Variants in WASF3 observed in about 807,000 individuals in gnomAD.
WASF3 encodes the protein WASP family member 3, also known as actin-binding protein WASF3.
In WASF3, 11 loss-of-function variants were observed where a neutral mutation model predicts 46.6. That is an observed-to-expected ratio of 0.24 (90% CI 0.15 to 0.39). WASF3 has a LOEUF of 0.39. Among genes scored for constraint, WASF3 ranks in the 10% least tolerant of loss-of-function variants. The pLI is 1.00. For missense variants in WASF3, 576 were observed against 669.8 expected (o/e 0.86, Z 1.55); for synonymous variants, 242 against 259.7 (o/e 0.93, Z 0.65).
intron 7 of WASF3, among the ~76,000 whole-genome samples, chr13:26,680,850 A>G (rs948397373): frequency 3.3e-5 from 5 of 152,188 alleles, no homozygotes; most frequent in Non-Finnish European, 4.4e-5. Context: ...GAATCCATGT[A>G]ACACTGGGGC....
intron 1 of WASF3, chr13:26,576,887 TG>T: frequency 1.4e-6 from 1 of 735,918 alleles, no homozygotes; most frequent in Non-Finnish European, 2.3e-6. Flanking sequence ...AGCAGCACCA[TG>T]GCTGTTGGCA....
intron 6 of WASF3, among the ~76,000 whole-genome samples, chr13:26,673,728 TAAAAGCC>T (rs1410966521): frequency 2.6e-5 from 4 of 152,336 alleles, no homozygotes; most frequent in African/African-American, 9.6e-5. Context: ...TTTAATGCTT[TAAAAGCC>T]TTAAAAACTT....
chr13:26,566,658 C>T (rs1334661358), intron 1 of WASF3, among the ~76,000 whole-genome samples: 1 of 152,126 alleles, frequency 6.6e-6, no homozygotes, highest in East Asian at 1.9e-4. Context: ...TGGGAACCTG[C>T]TTGGTTCAGG....
intron 8 of WASF3, among the ~76,000 whole-genome samples, chr13:26,681,783 GC>G (rs970410193): frequency 2.0e-5 from 3 of 151,926 alleles, no homozygotes; most frequent in African/African-American, 7.3e-5. Context: ...ACATCATTCT[GC>G]CCCAGGCCCT....
In WASF3 at chr13:26,613,567, C is replaced by T. The variant is rs539428927; in HGVS notation, c.-11+509C>T. ...GGTGGATCATGAGGTCAGGAGATCG[C>T]GACCATCCTGGCTAACACAGTGAAA... On this transcript the variant is annotated intron_variant, in intron 2 of 9. Coordinates refer to ENST00000335327, the MANE Select transcript of WASF3 (RefSeq NM_006646.6). 1.3e-4 allele frequency among the ~76,000 whole-genome samples: 20 copies of T among 152,134 alleles called. No individual in the cohort carries two copies. The East Asian group carries it at 3.3e-3, about 25-fold the overall frequency.
At chr13:26,685,574 C>A in intron 9 of WASF3, 114 bp from the exon 10 acceptor site, 1 of 1,299,976 alleles carries the variant, frequency 7.7e-7, no homozygotes. Context: ...ATTTCTAAAA[C>A]TTTCTGTCCT....
chr13:26,625,771 A>G (rs1881446233), intron 2 of WASF3, among the ~76,000 whole-genome samples: 1 of 152,168 alleles, frequency 6.6e-6, no homozygotes, highest in Non-Finnish European at 1.5e-5. Context: ...AAAATGAACC[A>G]TTACATTATT....
chr13:26,635,814 A>G (rs575294711), intron 2 of WASF3, among the ~76,000 whole-genome samples: 7 of 152,366 alleles, frequency 4.6e-5, no homozygotes, highest in African/African-American at 1.7e-4. Flanking sequence ...AGGTATCACC[A>G]GCGGAAGCTG....
chr13:26,625,121 A>G (rs938338405), intron 2 of WASF3, among the ~76,000 whole-genome samples: 1 of 152,194 alleles, frequency 6.6e-6, no homozygotes, highest in Non-Finnish European at 1.5e-5. Context: ...ATTAATTGAT[A>G]ATTGTCCAGA....
At chr13:26,676,804 A>T in intron 7 of WASF3, 80 bp downstream of exon 7, 1 of 1,400,938 alleles carries the variant, frequency 7.1e-7, no homozygotes, top group Non-Finnish European at 9.6e-7. Flanking sequence ...TTTGAAATGC[A>T]TCAATAGCTT....
chr13:26,577,782 T>C lies in WASF3; in HGVS notation c.-109+19963T>C, dbSNP rs1446700283. 3 of 626,748 alleles carry C rather than the reference T, an allele frequency of 4.8e-6. No individual in the cohort carries two copies. The African/African-American group carries it at 5.5e-5, about 12-fold the overall frequency. The allele number at this position is 626,748 out of a possible 1,614,324, so 38.8% of individuals were successfully genotyped here. A position where few individuals can be genotyped will look rare whatever the true frequency, so the allele number is the denominator to read the frequency against. On this transcript the variant is annotated intron_variant, in intron 1 of 9. Coordinates refer to ENST00000335327, the MANE Select transcript of WASF3 (RefSeq NM_006646.6). Reference sequence around the variant, plus strand: ...GTACAATCTGCAGACCTTATTCAGATTTCACTAGTTTATACATGCACTCAG... The same window carrying C: ...GTACAATCTGCAGACCTTATTCAGACTTCACTAGTTTATACATGCACTCAG...
At chr13:26,559,918 A>G (rs548655168) in intron 1 of WASF3, among the ~76,000 whole-genome samples, 1 of 144,426 alleles carries the variant, frequency 6.9e-6, no homozygotes, top group South Asian at 2.2e-4. Context: ...CCTGGGTTCA[A>G]GCGATTCTCC....
chr13:26,570,357 A>G (rs1220645910), intron 1 of WASF3, among the ~76,000 whole-genome samples: 2 of 152,190 alleles, frequency 1.3e-5, no homozygotes, highest in Non-Finnish European at 2.9e-5. Context: ...TCTTTTTAAC[A>G]TAATCTAATA....
At chr13:26,669,581 T>A (rs995268421) in intron 5 of WASF3, among the ~76,000 whole-genome samples, 4 of 152,028 alleles carry the variant, frequency 2.6e-5, no homozygotes, top group Admixed American at 2.6e-4. Context: ...TGGCGCAGTC[T>A]CAGCTCATTG....
chr13:26,650,906 T>G (rs1882295336), intron 3 of WASF3, among the ~76,000 whole-genome samples: 1 of 152,136 alleles, frequency 6.6e-6, no homozygotes, highest in African/African-American at 2.4e-5. Flanking sequence ...TCAAATCGTC[T>G]GACACATACG....
At chr13:26,592,968 A>G (rs1288915343) in intron 1 of WASF3, among the ~76,000 whole-genome samples, 3 of 152,168 alleles carry the variant, frequency 2.0e-5, no homozygotes, top group South Asian at 2.1e-4. Flanking sequence ...CAAATGTTTA[A>G]GCAGTCTAAT....
intron 1 of WASF3, among the ~76,000 whole-genome samples, chr13:26,583,075 A>G (rs915541013): frequency 2.6e-5 from 4 of 152,238 alleles, no homozygotes; most frequent in Admixed American, 6.5e-5. Flanking sequence ...TAGTGGAAAG[A>G]TAGCAATAGC....
intron 2 of WASF3, among the ~76,000 whole-genome samples, chr13:26,632,679 G>C (rs1356281103): frequency 6.6e-6 from 1 of 152,164 alleles, no homozygotes; most frequent in African/African-American, 2.4e-5. Flanking sequence ...CGATGATGCT[G>C]GCCCCATAAA....
chr13:26,653,394 C>T (rs1882373095), intron 3 of WASF3, among the ~76,000 whole-genome samples: 1 of 152,180 alleles, frequency 6.6e-6, no homozygotes, highest in Non-Finnish European at 1.5e-5. Flanking sequence ...AGGATGTATT[C>T]ATATCTCCAT....
Sources: allele counts gnomAD v4.1 joint callset (sites outside exome capture counted in the v4.1 genomes callset), GRCh38; gene constraint gnomAD v4.1.1; transcripts MANE v1.5; gene names NCBI Gene and HGNC (gene_info 2026-07-23, HGNC 2026-07-21).